The following KDM4C variants were observed in gnomAD, a reference collection of about 807,000 sequenced individuals.
KDM4C encodes the protein lysine-specific demethylase 4C.
In KDM4C, 81 loss-of-function variants were observed where a neutral mutation model predicts 129.3. The observed-to-expected ratio is 0.63, with a 90% CI of 0.52 to 0.75. The LOEUF (loss-of-function observed/expected upper bound fraction) is 0.75. Among genes scored for constraint, KDM4C ranks in the 30% least tolerant of loss-of-function variants. KDM4C has a pLI of 0.00. For missense variants in KDM4C, 1,457 were observed against 1,304.0 expected (o/e 1.12, Z -1.81); for synonymous variants, 573 against 456.1 (o/e 1.26, Z -3.26).
intron 8 of KDM4C, among the ~76,000 whole-genome samples, chr9:6,957,339 A>T: frequency 6.6e-6 from 1 of 152,148 alleles, no homozygotes; most frequent in East Asian, 1.9e-4. Context: ...TTTTCTTTAC[A>T]AGATGACTAG....
chr9:6,967,047 C>A (rs1415335772), intron 8 of KDM4C, among the ~76,000 whole-genome samples: 3 of 152,134 alleles, frequency 2.0e-5, no homozygotes, highest in Admixed American at 6.5e-5. Context: ...CTGATAAGGA[C>A]TGGTAGTTGG....
chr9:6,788,363 G>C (rs1030826762), intron 1 of KDM4C, among the ~76,000 whole-genome samples: 1 of 152,030 alleles, frequency 6.6e-6, no homozygotes, highest in Admixed American at 6.6e-5. Context: ...GGAAATGCTC[G>C]GGCCACCCTT....
chr9:7,011,724 G>A lies in KDM4C; in HGVS notation c.1813G>A (p.Glu605Lys). Residue 605 changes from glutamate to lysine, a missense_variant, in exon 13 of 22, where the codon GAG becomes AAG. Glu to Lys is a moderately conservative substitution (Grantham distance 56). Coordinates refer to ENST00000381309, the MANE Select transcript of KDM4C (RefSeq NM_015061.6). ...ATTGCCTGAGGTTCTGTCCATTGAG[G>A]AGGAAGTGGAAGAAACAGAGTCTTG... is the stretch of plus-strand genomic sequence containing the variant. Reference protein sequence around the residue: ...EELPEVLSIEEEVEETESWAK... With the variant: ...EELPEVLSIEKEVEETESWAK... The A allele has an allele frequency of 6.2e-7, 1 of 1,614,158 alleles. No homozygotes were observed. Among genetic ancestry groups the A allele is most frequent in the Non-Finnish European group, 8.5e-7 (1 of 1,180,000 alleles).
chr9:7,147,831 C>G (rs956730782), intron 19 of KDM4C, among the ~76,000 whole-genome samples: 2 of 152,212 alleles, frequency 1.3e-5, no homozygotes, highest in African/African-American at 4.8e-5. Context: ...AGTAATGTCA[C>G]AGGAGCCTTA....
chr9:6,838,389 C>G (rs1023600289), intron 4 of KDM4C, among the ~76,000 whole-genome samples: 2 of 152,110 alleles, frequency 1.3e-5, no homozygotes, highest in Admixed American at 6.6e-5. Flanking sequence ...TGGAATAATT[C>G]TGGATCTAAA....
rs550806062 is a variant in KDM4C, at chr9:6,964,540, A to G, written c.922-16385A>G. 3.9e-5 allele frequency among the ~76,000 whole-genome samples: 6 copies of G among 152,230 alleles called. No homozygotes were observed. In the South Asian group the frequency reaches 8.3e-4, roughly 21 times the overall value. On this transcript the variant is annotated intron_variant, in intron 8 of 21. Coordinates refer to ENST00000381309, the MANE Select transcript of KDM4C (RefSeq NM_015061.6). ...AGTCTTTGCTATTGTGAATAGTGCC[A>G]CAGTAAACATACATGTGCATGTGTC...
At chr9:7,150,250 C>T (rs1240778310) in intron 19 of KDM4C, among the ~76,000 whole-genome samples, 1 of 152,218 alleles carries the variant, frequency 6.6e-6, no homozygotes, top group Admixed American at 6.5e-5. Context: ...TTATTGCTCT[C>T]ACCACAACTT....
At chr9:6,845,005 A>G (rs1290273314) in intron 4 of KDM4C, among the ~76,000 whole-genome samples, 1 of 152,076 alleles carries the variant, frequency 6.6e-6, no homozygotes, top group East Asian at 1.9e-4. Context: ...CATATTTCTA[A>G]TGTTGCATTG....
At chr9:7,100,906 G>C (rs1416235171) in intron 17 of KDM4C, among the ~76,000 whole-genome samples, 1 of 151,918 alleles carries the variant, frequency 6.6e-6, no homozygotes, top group African/African-American at 2.4e-5. Flanking sequence ...TTTTGCATTA[G>C]TTCTTATCTA....
chr9:7,087,546 T>C (rs138656957), intron 17 of KDM4C, among the ~76,000 whole-genome samples: 225 of 152,258 alleles, frequency 1.5e-3, no homozygotes, highest in African/African-American at 5.2e-3. Context: ...TTTAAAAAAA[T>C]TAAACTTCAA....
chr9:6,962,767 G>C (rs1830246101), intron 8 of KDM4C, among the ~76,000 whole-genome samples: 1 of 151,910 alleles, frequency 6.6e-6, no homozygotes, highest in South Asian at 2.1e-4. Context: ...AATGCATTTA[G>C]GTAACATGAA....
chr9:7,093,679 T>A, intron 17 of KDM4C, among the ~76,000 whole-genome samples: 1 of 152,214 alleles, frequency 6.6e-6, no homozygotes, highest in East Asian at 1.9e-4. Context: ...ATATACAGGA[T>A]TACAGAGGAG....
chr9:6,893,334 T>C, intron 8 of KDM4C, 102 bp downstream of exon 8: 1 of 867,988 alleles, frequency 1.2e-6, no homozygotes, highest in Non-Finnish European at 1.7e-6. Context: ...TCTTCCTCAC[T>C]GGCGCCATGT....
chr9:6,889,095 G>GA lies in KDM4C; in HGVS notation c.783+1032_783+1033insA, dbSNP rs1448434820. ...GAGCCACCGCGCCCGGCCCTTCTGT[G>GA]TTTTTTATTTGACTTTTCTTCTCAT... On this transcript the variant is annotated intron_variant, in intron 7 of 21. Transcript: ENST00000381309. 3.3e-5 allele frequency among the ~76,000 whole-genome samples: 5 copies of GA among 151,370 alleles called. 2 individuals are homozygous for GA. The highest frequency in any genetic ancestry group is 4.9e-5 in the African/African-American group (2 of 41,088).
intron 15 of KDM4C, among the ~76,000 whole-genome samples, chr9:7,018,152 A>G (rs1824014256): frequency 6.6e-6 from 1 of 152,206 alleles, no homozygotes; most frequent in Non-Finnish European, 1.5e-5. Context: ...ACAAACCTGG[A>G]TGGTATAGCC....
At chr9:6,895,346 T>A (rs1382816418) in intron 8 of KDM4C, among the ~76,000 whole-genome samples, 1 of 152,234 alleles carries the variant, frequency 6.6e-6, no homozygotes, top group African/African-American at 2.4e-5. Flanking sequence ...TGAATTCACT[T>A]CCTCACAGTT....
At chr9:6,767,185 C>A (rs1820795220) in intron 1 of KDM4C, among the ~76,000 whole-genome samples, 2 of 152,078 alleles carry the variant, frequency 1.3e-5, no homozygotes, top group South Asian at 4.2e-4. Context: ...GTCGCCCAGG[C>A]TGGAGTGCAG....
At chr9:7,073,952 G>A (rs966422479) in intron 17 of KDM4C, among the ~76,000 whole-genome samples, 3 of 152,212 alleles carry the variant, frequency 2.0e-5, no homozygotes, top group African/African-American at 7.2e-5. Context: ...TCATAGTGAT[G>A]TGGGCACATG....
chr9:7,154,657 A>ACCATC (rs1463659367), intron 19 of KDM4C, among the ~76,000 whole-genome samples: 1 of 152,214 alleles, frequency 6.6e-6, no homozygotes. Flanking sequence ...ATGTAATGAC[A>ACCATC]CCATCCTCTT....
Sources: allele counts gnomAD v4.1 joint callset (sites outside exome capture counted in the v4.1 genomes callset), GRCh38; gene constraint gnomAD v4.1.1; transcripts MANE v1.5; gene names NCBI Gene and HGNC (gene_info 2026-07-23, HGNC 2026-07-21).